Variants in DDX46 observed in about 807,000 individuals in gnomAD.
DDX46 encodes DEAD-box helicase 46.
DDX46 carries 30 observed loss-of-function variants against 134.9 expected under a neutral mutation model. The ratio of observed to expected loss-of-function variants is 0.22; its 90% CI spans 0.17 to 0.30. DDX46 has a LOEUF of 0.30. DDX46 is among the 10% of genes least tolerant of loss of function. DDX46 has a pLI of 1.00. For synonymous variants in DDX46, 415 were observed against 404.1 expected (o/e 1.03, Z -0.32); for missense variants, 622 against 1,248.7 (o/e 0.50, Z 7.56).
intron 17 of DDX46, 76 bp downstream of exon 17, chr5:134,811,434 CTT>C: frequency 1.3e-6 from 2 of 1,533,192 alleles, no homozygotes; most frequent in South Asian, 1.2e-5. Flanking sequence ...TCTTGGAAAT[CTT>C]TTATTTAACA....
At position 134,795,036 on chromosome 5, in the gene DDX46, T is replaced by G. The variant is rs772024924; in HGVS notation, c.1791+22T>G. ...AGTGGTGGGTACCATCTTTAGGAAA[T>G]TCCCAGTTTCCTTGATACTTAGGTG... On this transcript the variant is annotated intron_variant, in intron 14 of 22. Coordinates refer to ENST00000452510, the MANE Select transcript of DDX46 (RefSeq NM_001300860.2). The G allele has an allele frequency of 9.3e-6, 15 of 1,610,918 alleles. No individual in the cohort carries two copies. In the African/African-American group the frequency reaches 2.0e-4, roughly 22 times the overall value.
At chr5:134,804,118 A>C (rs1289434472) in intron 15 of DDX46, among the ~76,000 whole-genome samples, 2 of 151,846 alleles carry the variant, frequency 1.3e-5, no homozygotes, top group Non-Finnish European at 2.9e-5. Flanking sequence ...CTTTTTGTAA[A>C]GATGGGTTTT....
At chr5:134,780,096 ATATGTGTG>A (rs57958785) in intron 6 of DDX46, among the ~76,000 whole-genome samples, 292 of 123,498 alleles carry the variant, frequency 2.4e-3, no homozygotes, top group African/African-American at 8.8e-3. Flanking sequence ...TGAAAAAAAT[ATATGTGTG>A]TGTGTGTGTG....
At chr5:134,808,051 A>G in intron 16 of DDX46, 110 bp downstream of exon 16, 1 of 996,122 alleles carries the variant, frequency 1.0e-6, no homozygotes, top group South Asian at 2.0e-5. Context: ...GAAAATCTTT[A>G]ATCCACATAA....
chr5:134,802,151 A>ATTTC (rs1211378388), intron 15 of DDX46, among the ~76,000 whole-genome samples: 19 of 126,968 alleles, frequency 1.5e-4, no homozygotes, highest in East Asian at 2.3e-4. Context: ...AAATTGGATA[A>ATTTC]TTTCTTTCTT....
At chr5:134,811,572 A>G in intron 17 of DDX46, 124 bp from the exon 18 acceptor site, 1 of 1,167,492 alleles carries the variant, frequency 8.6e-7, no homozygotes, top group Non-Finnish European at 1.2e-6. Context: ...AGTTTATCTT[A>G]CATGCTAGAT....
intron 14 of DDX46, 64 bp downstream of exon 14, chr5:134,795,078 T>G: frequency 6.4e-7 from 1 of 1,574,436 alleles, no homozygotes; most frequent in Non-Finnish European, 8.6e-7. Flanking sequence ...ATGATTCTTC[T>G]ATGATCACTG....
chr5:134,808,497 C>G (rs1430638340), intron 16 of DDX46, among the ~76,000 whole-genome samples: 3 of 152,144 alleles, frequency 2.0e-5, no homozygotes, highest in African/African-American at 4.8e-5. Context: ...GAATGCATAT[C>G]ACTTTTGCAC....
chr5:134,817,244 T>G, intron 19 of DDX46: 1 of 411,236 alleles, frequency 2.4e-6, no homozygotes, highest in Non-Finnish European at 4.3e-6. Context: ...ATCAACTACA[T>G]CTCTATGATC....
At chr5:134,763,268 A>G (rs1753452847) in intron 1 of DDX46, among the ~76,000 whole-genome samples, 1 of 152,018 alleles carries the variant, frequency 6.6e-6, no homozygotes, top group Non-Finnish European at 1.5e-5. Context: ...AGGTTGTGTC[A>G]CTCCTCTGCT....
At position 134,828,972 on chromosome 5, in the gene DDX46, A is replaced by G. The variant is rs1459658478; in HGVS notation, c.*266A>G. On this transcript the variant is annotated 3_prime_UTR_variant, in exon 23 of 23. Transcript: ENST00000452510. ...TCAATATTTTAAATGTCCGGATAAT[A>G]TTCTAGAGGTTTAAAAAATGGAAAT... 3 of 273,004 alleles carry G rather than the reference A, an allele frequency of 1.1e-5. No individual in the cohort carries two copies. Among genetic ancestry groups the G allele is most frequent in the Non-Finnish European group, 1.4e-5 (2 of 147,438 alleles). The allele number at this position is 273,004 out of a possible 1,614,324, so 16.9% of individuals were successfully genotyped here.
intron 13 of DDX46, among the ~76,000 whole-genome samples, chr5:134,791,780 T>C (rs1211674489): frequency 1.3e-5 from 2 of 152,364 alleles, no homozygotes; most frequent in East Asian, 3.9e-4. Flanking sequence ...GCATGTATTG[T>C]ATTTAGATTT....
chr5:134,802,104 C>T (rs925527440), intron 15 of DDX46, among the ~76,000 whole-genome samples: 4 of 149,026 alleles, frequency 2.7e-5, no homozygotes, highest in Non-Finnish European at 5.9e-5. Context: ...ATGCTTTGTT[C>T]AGTCTTTTTC....
intron 13 of DDX46, 98 bp from the exon 14 acceptor site, chr5:134,794,752 C>T: frequency 2.1e-6 from 3 of 1,457,764 alleles, no homozygotes; most frequent in Non-Finnish European, 2.8e-6. Context: ...AAAACTGAGA[C>T]AGTTGTTCTC....
At chr5:134,766,008 A>G (rs999862898) in intron 2 of DDX46, among the ~76,000 whole-genome samples, 1 of 152,164 alleles carries the variant, frequency 6.6e-6, no homozygotes, top group African/African-American at 2.4e-5. Context: ...AAGTCTCCAT[A>G]TTTTATAGAT....
chr5:134,785,446 G>C lies in DDX46; in HGVS notation c.1343-19G>C. 1.2e-6 allele frequency: 2 copies of C among 1,609,416 alleles called. No individual in the cohort carries two copies. The highest frequency in any genetic ancestry group is 1.7e-6 in the Non-Finnish European group (2 of 1,178,228). On this transcript the variant is annotated intron_variant, in intron 10 of 22. Coordinates refer to ENST00000452510, the MANE Select transcript of DDX46 (RefSeq NM_001300860.2). Reference sequence around the variant, plus strand: ...TAAGAATTTTGGTGGTTAGGCTACTGATGTATTTATCTTTCCAGCTGTCAT... The same window carrying C: ...TAAGAATTTTGGTGGTTAGGCTACTCATGTATTTATCTTTCCAGCTGTCAT...
chr5:134,788,680 T>G, intron 12 of DDX46, 89 bp downstream of exon 12: 1 of 1,172,526 alleles, frequency 8.5e-7, no homozygotes, highest in Non-Finnish European at 1.2e-6. Context: ...AACAAAGGGT[T>G]TCTATATTTC....
Position 134,794,175 on chromosome 5 carries a change from CCTT to C in DDX46, c.1627-671_1627-669del, listed in dbSNP as rs1373736274. On this transcript the variant is annotated intron_variant, in intron 13 of 22. Transcript: ENST00000452510. ...ATCCTCCGTATTTGGAGGACAGAGT[CCTT>C]CTTGATGACCCTGGCTCTTGCAAGC... is the stretch of plus-strand genomic sequence containing the variant. 1.3e-5 allele frequency among the ~76,000 whole-genome samples: 2 copies of C among 152,136 alleles called. 1 individual carries two copies. The highest frequency in any genetic ancestry group is 2.9e-5 in the Non-Finnish European group (2 of 68,038).
At chr5:134,806,635 A>G (rs1299415915) in intron 15 of DDX46, among the ~76,000 whole-genome samples, 2 of 152,208 alleles carry the variant, frequency 1.3e-5, no homozygotes, top group Non-Finnish European at 2.9e-5. Flanking sequence ...CTTTAAATCA[A>G]TCCTTGAAGA....
Sources: allele counts gnomAD v4.1 joint callset (sites outside exome capture counted in the v4.1 genomes callset), GRCh38; gene constraint gnomAD v4.1.1; transcripts MANE v1.5; gene names NCBI Gene and HGNC (gene_info 2026-07-23, HGNC 2026-07-21).